Variants in RYR2 observed in about 807,000 individuals in gnomAD.
RYR2 encodes cardiac muscle ryanodine receptor-calcium release channel.
Under a neutral mutation model 601.1 loss-of-function variants are expected in RYR2, and 227 were observed. The ratio of observed to expected loss-of-function variants is 0.38; its 90% CI spans 0.34 to 0.42. The LOEUF (loss-of-function observed/expected upper bound fraction) is 0.42, where lower values mean the gene tolerates loss of function less well. Among genes scored for constraint, RYR2 ranks in the 10% least tolerant of loss-of-function variants. The pLI, the probability that RYR2 is intolerant of heterozygous loss-of-function variation, is 1.00. For missense variants in RYR2, 4,646 were observed against 6,156.5 expected, an observed-to-expected ratio of 0.75 and a Z score of 8.21; for synonymous variants, 2,223 against 2,175.1, an observed-to-expected ratio of 1.02 and a Z score of -0.61.
chr1:237,222,032 G>A (rs1683844610), intron 1 of RYR2, among the ~76,000 whole-genome samples: 1 of 152,098 alleles, frequency 6.6e-6, no homozygotes, highest in Non-Finnish European at 1.5e-5. Flanking sequence ...ATGAAGAGGA[G>A]GAGCTAGTGT....
At chr1:237,218,270 C>T (rs1683402525) in intron 1 of RYR2, among the ~76,000 whole-genome samples, 3 of 152,000 alleles carry the variant, frequency 2.0e-5, no homozygotes, top group Admixed American at 2.0e-4. Context: ...AATATGAAAC[C>T]ACTCATATAT....
intron 29 of RYR2, among the ~76,000 whole-genome samples, chr1:237,582,341 C>A (rs942575606): frequency 1.3e-5 from 2 of 151,574 alleles, no homozygotes; most frequent in African/African-American, 2.4e-5. Context: ...AACTCCTAAC[C>A]TCAGATGATC....
At chr1:237,690,062 C>T (rs12404257) in intron 63 of RYR2, among the ~76,000 whole-genome samples, 37,270 of 152,068 alleles carry the variant, frequency 0.25, 5,512 homozygotes, top group Middle Eastern at 0.47. Context: ...GTCTCGAACT[C>T]CTGACTTCAG....
chr1:237,679,273 C>T (rs1465558266), intron 61 of RYR2, among the ~76,000 whole-genome samples: 1 of 152,170 alleles, frequency 6.6e-6, no homozygotes, highest in Non-Finnish European at 1.5e-5. Context: ...CCCGGTGCAT[C>T]TGTTTACAGA....
At chr1:237,631,746 G>A (rs371935193) in intron 42 of RYR2, among the ~76,000 whole-genome samples, 5 of 146,462 alleles carry the variant, frequency 3.4e-5, no homozygotes, top group African/African-American at 1.0e-4. Flanking sequence ...TCCTGCCTCA[G>A]CCTCCCGAGG....
intron 79 of RYR2, 26 bp from the exon 80 acceptor site, chr1:237,742,270 C>CCTTTTTTTTTTTTTT: frequency 8.4e-7 from 1 of 1,183,502 alleles, no homozygotes. Flanking sequence ...TTCCTGTCTC[C>CCTTTTTTTTTTTTTT]TTTTTTTTTT....
intron 24 of RYR2, among the ~76,000 whole-genome samples, chr1:237,516,283 C>T (rs1478571966): frequency 1.4e-5 from 2 of 138,142 alleles, no homozygotes; most frequent in Admixed American, 7.7e-5. Context: ...GTTAATTTTT[C>T]TTTCGTATTT....
chr1:237,582,495 T>C (rs2392628), intron 29 of RYR2, among the ~76,000 whole-genome samples: 107,312 of 151,866 alleles, frequency 0.71, 38,211 homozygotes, highest in East Asian at 0.96. Context: ...GGGTATATAG[T>C]GTTATGCTGA....
At chr1:237,416,476 A>C (rs1704994711) in intron 10 of RYR2, among the ~76,000 whole-genome samples, 1 of 152,196 alleles carries the variant, frequency 6.6e-6, no homozygotes, top group Admixed American at 6.5e-5. Flanking sequence ...TGTGATATGC[A>C]TCCAAAGAAA....
At chr1:237,539,156 A>C (rs1238503438) in intron 25 of RYR2, among the ~76,000 whole-genome samples, 1 of 152,232 alleles carries the variant, frequency 6.6e-6, no homozygotes, top group Admixed American at 6.5e-5. Context: ...TGTTCACAAG[A>C]AGATTAATTT....
chr1:237,191,197 A>G (rs1679930941), intron 1 of RYR2, among the ~76,000 whole-genome samples: 1 of 152,028 alleles, frequency 6.6e-6, no homozygotes, highest in Non-Finnish European at 1.5e-5. Flanking sequence ...TAGTCTTGGT[A>G]CCCTTGTCAA....
intron 10 of RYR2, among the ~76,000 whole-genome samples, chr1:237,388,392 AT>A (rs1702116257): frequency 6.6e-6 from 1 of 152,208 alleles, no homozygotes; most frequent in Non-Finnish European, 1.5e-5. Flanking sequence ...AGAACTGAAA[AT>A]TTTTGTATAA....
At chr1:237,415,815 A>C (rs1322008514) in intron 10 of RYR2, among the ~76,000 whole-genome samples, 1 of 152,196 alleles carries the variant, frequency 6.6e-6, no homozygotes, top group East Asian at 1.9e-4. Context: ...GCAATTTGGG[A>C]AGTTCAAACA....
intron 96 of RYR2, among the ~76,000 whole-genome samples, chr1:237,796,963 T>C (rs1659325589): frequency 6.6e-6 from 1 of 151,982 alleles, no homozygotes; most frequent in African/African-American, 2.4e-5. Flanking sequence ...TTTTGTATAT[T>C]TAGTAAAGAC....
At position 237,589,904 on chromosome 1, in the gene RYR2, A is replaced by G. The variant is rs1336920347; in HGVS notation, c.3710A>G (p.Glu1237Gly). Residue 1237 changes from glutamate to glycine, a missense_variant, in exon 30 of 105, where the codon GAA (glutamate) becomes GGA (glycine). Physicochemically the swap from Glu to Gly is moderately conservative, Grantham distance 98. This residue lies in a region of RYR2 where 1,807 missense variants were observed against 2,088.1 expected (regional missense o/e 0.87). Transcript: ENST00000366574. ...FTICGLQEGYEPFAVNTNRDI... is the reference protein window; with the variant it reads ...FTICGLQEGYGPFAVNTNRDI... ...ATCTGTGGCTTACAAGAGGGCTATG[A>G]ACCATTTGCCGTTAATACAAACAGG... 2 of 1,613,948 alleles carry G rather than the reference A, an allele frequency of 1.2e-6. No homozygotes were observed. The highest frequency in any genetic ancestry group is 1.7e-5 in the Admixed American group (1 of 60,022).
intron 10 of RYR2, among the ~76,000 whole-genome samples, chr1:237,406,933 C>T (rs1221729780): frequency 6.6e-6 from 1 of 152,190 alleles, no homozygotes; most frequent in Admixed American, 6.5e-5. Context: ...CATGTATCCA[C>T]AATTGCAGTA....
intron 1 of RYR2, among the ~76,000 whole-genome samples, chr1:237,224,675 T>C (rs780533049): frequency 3.7e-4 from 56 of 151,898 alleles, no homozygotes; most frequent in Admixed American, 2.0e-4. Flanking sequence ...CTGTGCAACA[T>C]AGTGAGATTC....
In RYR2 at chr1:237,542,077, T is replaced by A. The variant is rs1158318789; in HGVS notation, c.2907-6354T>A. On this transcript the variant is annotated intron_variant, in intron 25 of 104. Transcript: ENST00000366574. ...TTTTGTCTTTATTTATTTATTTATT[T>A]ATTTATTTATTTATTTATTTATTTA... Among the ~76,000 whole-genome samples, 4 of 66,980 alleles carry A rather than the reference T, an allele frequency of 6.0e-5. No individual in the cohort carries two copies. In the South Asian group the frequency reaches 1.6e-3, roughly 27 times the overall value. 43.9% of individuals were successfully genotyped at this position (66,980 alleles called of 152,430 possible).
intron 76 of RYR2, among the ~76,000 whole-genome samples, chr1:237,729,071 C>A (rs963605643): frequency 6.6e-6 from 1 of 152,136 alleles, no homozygotes; most frequent in Non-Finnish European, 1.5e-5. Flanking sequence ...TCCCATCCTT[C>A]CCTCCATCAC....
Sources: gnomAD v4.1 joint callset for allele counts (sites outside exome capture counted in the v4.1 genomes callset) on GRCh38, gnomAD v4.1.1 for gene constraint, gnomAD v4.1.1 regional missense constraint, MANE v1.5 for transcripts, NCBI Gene and HGNC (gene_info 2026-07-23, HGNC 2026-07-21) for gene names.